ERBIN: variants seen among roughly 807,000 people sequenced by gnomAD.
ERBIN encodes the protein densin-180-like protein.
In ERBIN, 60 loss-of-function variants were observed where a neutral mutation model predicts 158.4. The ratio of observed to expected loss-of-function variants is 0.38; its 90% CI spans 0.31 to 0.47. The LOEUF (loss-of-function observed/expected upper bound fraction) is 0.47. Among genes scored for constraint, ERBIN ranks in the 20% least tolerant of loss-of-function variants. ERBIN has a pLI of 0.99. For synonymous variants in ERBIN, 594 were observed against 557.2 expected (o/e 1.07, Z -0.93); for missense variants, 1,610 against 1,648.0 (o/e 0.98, Z 0.40).
intron 16 of ERBIN, among the ~76,000 whole-genome samples, chr5:66,043,436 T>C (rs1758112624): frequency 6.6e-6 from 1 of 152,174 alleles, no homozygotes; most frequent in South Asian, 2.1e-4. Flanking sequence ...AGGAAAACGT[T>C]ATTATAGGCT....
At chr5:66,060,424 C>T (rs1760145529) in intron 21 of ERBIN, among the ~76,000 whole-genome samples, 1 of 152,066 alleles carries the variant, frequency 6.6e-6, no homozygotes, top group African/African-American at 2.4e-5. Context: ...TTTGATTCTT[C>T]TCTCTTTTCT....
intron 3 of ERBIN, among the ~76,000 whole-genome samples, chr5:65,993,814 G>A (rs966431130): frequency 2.0e-5 from 3 of 152,096 alleles, no homozygotes; most frequent in African/African-American, 7.2e-5. Context: ...GTTAGTGTAA[G>A]TGTGTCCCAT....
At chr5:66,014,648 G>T in intron 6 of ERBIN, 21 bp from the exon 7 acceptor site, 1 of 1,147,622 alleles carries the variant, frequency 8.7e-7, no homozygotes, top group South Asian at 1.5e-5. Context: ...CTAAATACAT[G>T]ATTTTTTTTT....
intron 1 of ERBIN, among the ~76,000 whole-genome samples, chr5:65,937,113 T>C (rs558104584): frequency 6.6e-6 from 1 of 152,352 alleles, no homozygotes; most frequent in Non-Finnish European, 1.5e-5. Flanking sequence ...ATAGTACATA[T>C]ACAGTGTGCC....
intron 11 of ERBIN, 75 bp from the exon 12 acceptor site, chr5:66,025,773 T>C (rs906444748): frequency 6.5e-5 from 72 of 1,111,910 alleles, no homozygotes; most frequent in Non-Finnish European, 8.7e-5. Context: ...TTCAAATGTT[T>C]ATATGTTCTG....
chr5:66,037,813 G>A (rs1757538480), intron 14 of ERBIN, among the ~76,000 whole-genome samples: 1 of 152,072 alleles, frequency 6.6e-6, no homozygotes, highest in Non-Finnish European at 1.5e-5. Context: ...TAAGAAAAAA[G>A]AAGGTCCAAA....
chr5:65,995,829 C>T (rs1752374869), intron 4 of ERBIN, among the ~76,000 whole-genome samples: 1 of 152,130 alleles, frequency 6.6e-6, no homozygotes, highest in South Asian at 2.1e-4. Context: ...TTGTATCTCA[C>T]TGTAGATTTA....
Position 65,931,827 on chromosome 5 carries a change from T to C in ERBIN, c.-58+5021T>C, listed in dbSNP as rs914072582. 8.6e-5 allele frequency among the ~76,000 whole-genome samples: 13 copies of C among 150,606 alleles called. No individual in the cohort carries two copies. The South Asian group carries it at 1.7e-3, about 19-fold the overall frequency. On this transcript the variant is annotated intron_variant, in intron 1 of 25. Transcript: ENST00000284037. ...TTTTCTTTCTTTTCTTTCTTTTTTT[T>C]TTTTTTTTTGAGATGGAGTTTGCTC... is the stretch of plus-strand genomic sequence containing the variant.
At chr5:65,979,046 C>G (rs1750350458) in intron 1 of ERBIN, among the ~76,000 whole-genome samples, 1 of 152,138 alleles carries the variant, frequency 6.6e-6, no homozygotes, top group South Asian at 2.1e-4. Flanking sequence ...GCTGCCAGCT[C>G]AAATGGACTC....
rs190137556 is a variant in ERBIN at position 66,030,756 on chromosome 5, C to T, written c.1206+2413C>T. On this transcript the variant is annotated intron_variant, in intron 14 of 25. Transcript: ENST00000284037. The stretch of plus-strand genomic sequence containing the variant: ...TTTTTTTTTTTAACGTTTTTAGTAG[C>T]GACAAGATCTCATGATATTGCCCAG... Among the ~76,000 whole-genome samples the T allele has an allele frequency of 7.9e-5, 12 of 151,084 alleles. No homozygotes were observed. The East Asian group carries it at 2.0e-3, about 25-fold the overall frequency.
At chr5:66,067,680 A>G (rs1346885135) in intron 21 of ERBIN, among the ~76,000 whole-genome samples, 1 of 152,202 alleles carries the variant, frequency 6.6e-6, no homozygotes, top group Non-Finnish European at 1.5e-5. Context: ...GATCTTTAAT[A>G]CCAGTTTATT....
chr5:65,996,497 T>G (rs1021658799), intron 4 of ERBIN, among the ~76,000 whole-genome samples: 1 of 152,204 alleles, frequency 6.6e-6, no homozygotes, highest in African/African-American at 2.4e-5. Context: ...TCCATTGGTC[T>G]GTCTGTATTC....
At chr5:65,940,464 T>A (rs926381092) in intron 1 of ERBIN, among the ~76,000 whole-genome samples, 1 of 28,838 alleles carries the variant, frequency 3.5e-5, no homozygotes, top group Admixed American at 3.9e-4. Flanking sequence ...GGGAGGGAGG[T>A]GGGGGGGTCA....
chr5:66,076,693 A>T, intron 24 of ERBIN, 182 bp from the exon 25 acceptor site: 1 of 612,276 alleles, frequency 1.6e-6, no homozygotes, highest in Admixed American at 3.3e-5. Context: ...AAGAGAAATC[A>T]CTAAAGTCAG....
chr5:66,006,991 A>T (rs148371350), intron 4 of ERBIN, among the ~76,000 whole-genome samples: 9,325 of 49,268 alleles, frequency 0.19, 692 homozygotes, highest in Admixed American at 0.41. Flanking sequence ...GCGATTCCTT[A>T]GGGATCTAGA....
rs1356813126 is a variant in ERBIN, at chr5:66,077,208, G to A, written c.4131+259G>A. On this transcript the variant is annotated intron_variant, in intron 25 of 25. Transcript: ENST00000284037. ...TAGGATTTTGTTTAAGCTCAGGAAT[G>A]TTAATTTTTACTAATTTGAGGGGGA... Among the ~76,000 whole-genome samples the A allele has an allele frequency of 3.3e-5, 5 of 151,562 alleles. No individual in the cohort carries two copies. In the East Asian group the frequency reaches 5.8e-4, roughly 18 times the overall value.
intron 4 of ERBIN, among the ~76,000 whole-genome samples, chr5:65,996,628 T>C (rs1233155591): frequency 6.6e-6 from 1 of 152,146 alleles, no homozygotes; most frequent in Non-Finnish European, 1.5e-5. Context: ...CTTTTGTGGC[T>C]CCATATGAAT....
intron 21 of ERBIN, among the ~76,000 whole-genome samples, chr5:66,067,917 C>G (rs1176625437): frequency 6.6e-6 from 1 of 151,932 alleles, no homozygotes; most frequent in Admixed American, 6.6e-5. Flanking sequence ...TTGAGGCCAG[C>G]CTGGGTAACA....
chr5:66,003,276 G>A (rs975572661), intron 4 of ERBIN, among the ~76,000 whole-genome samples: 5 of 152,096 alleles, frequency 3.3e-5, no homozygotes, highest in African/African-American at 1.2e-4. Context: ...GGACTCACCT[G>A]CAGTTAAACA....
Sources: allele counts gnomAD v4.1 joint callset (sites outside exome capture counted in the v4.1 genomes callset), GRCh38; gene constraint gnomAD v4.1.1; transcripts MANE v1.5; gene names NCBI Gene and HGNC (gene_info 2026-07-23, HGNC 2026-07-21).